CRYL1: variants seen among roughly 807,000 people sequenced by gnomAD.
CRYL1 encodes the protein lambda-crystallin homolog.
In CRYL1, 29 loss-of-function variants were observed where a neutral mutation model predicts 36.6. That is an observed-to-expected ratio of 0.79 (90% confidence interval 0.59 to 1.08). The LOEUF (loss-of-function observed/expected upper bound fraction) is 1.08. CRYL1 is among the 50% of genes least tolerant of loss of function. CRYL1 has a pLI of 0.00. For synonymous variants in CRYL1, 152 were observed against 151.5 expected, an observed-to-expected ratio of 1.00 and a Z score of -0.02; for missense variants, 411 against 407.9, an observed-to-expected ratio of 1.01 and a Z score of -0.06.
At chr13:20,519,957 A>G (rs1222089680) in intron 1 of CRYL1, among the ~76,000 whole-genome samples, 1 of 152,206 alleles carries the variant, frequency 6.6e-6, no homozygotes, top group Non-Finnish European at 1.5e-5. Context: ...AAAACAGTCC[A>G]TATCTTTTAG....
At chr13:20,478,724 G>A (rs747403452) in intron 3 of CRYL1, among the ~76,000 whole-genome samples, 1 of 151,920 alleles carries the variant, frequency 6.6e-6, no homozygotes, top group African/African-American at 2.4e-5. Flanking sequence ...CAATCTACCC[G>A]CTGTGGCCTC....
At chr13:20,512,577 G>C (rs375367125) in intron 1 of CRYL1, 27 bp from the exon 2 acceptor site, 3 of 1,544,172 alleles carry the variant, frequency 1.9e-6, no homozygotes, top group Non-Finnish European at 2.7e-6. Flanking sequence ...GAAAGGATTC[G>C]AGTTAATTTA....
At chr13:20,434,299 T>G (rs1428820825) in intron 4 of CRYL1, among the ~76,000 whole-genome samples, 1 of 152,172 alleles carries the variant, frequency 6.6e-6, no homozygotes, top group African/African-American at 2.4e-5. Flanking sequence ...AATCAGGAAC[T>G]TTCCTGTCTT....
chr13:20,429,360 A>G (rs769088233), intron 5 of CRYL1, among the ~76,000 whole-genome samples: 3 of 152,174 alleles, frequency 2.0e-5, no homozygotes, highest in Non-Finnish European at 2.9e-5. Flanking sequence ...GGAAGTTGTG[A>G]GTCAAAGGGG....
At chr13:20,523,888 G>A (rs2034140185) in intron 1 of CRYL1, among the ~76,000 whole-genome samples, 1 of 152,198 alleles carries the variant, frequency 6.6e-6, no homozygotes, top group Non-Finnish European at 1.5e-5. Flanking sequence ...GCCACCCACA[G>A]CCAGATAACT....
At chr13:20,447,566 T>G (rs1006205715) in intron 3 of CRYL1, among the ~76,000 whole-genome samples, 1 of 151,226 alleles carries the variant, frequency 6.6e-6, no homozygotes, top group African/African-American at 2.4e-5. Context: ...AACAGAATAA[T>G]ACTTCTGGGA....
chr13:20,447,154 AT>A (rs1348875257), intron 3 of CRYL1, among the ~76,000 whole-genome samples: 2 of 152,218 alleles, frequency 1.3e-5, no homozygotes, highest in African/African-American at 4.8e-5. Flanking sequence ...TAGGACTACT[AT>A]CATAAATTTC....
At chr13:20,429,711 C>T (rs1016022801) in intron 5 of CRYL1, among the ~76,000 whole-genome samples, 1 of 152,144 alleles carries the variant, frequency 6.6e-6, no homozygotes, top group Non-Finnish European at 1.5e-5. Context: ...AGTGGATGCT[C>T]AGGTGTGCAT....
chr13:20,508,492 A>C (rs1470039908), intron 2 of CRYL1, among the ~76,000 whole-genome samples: 1 of 152,142 alleles, frequency 6.6e-6, no homozygotes, highest in Non-Finnish European at 1.5e-5. Context: ...ATTGCTCCCT[A>C]AATCACCTCC....
At chr13:20,497,340 C>CA (rs1555232055) in intron 2 of CRYL1, among the ~76,000 whole-genome samples, 2 of 5,490 alleles carry the variant, frequency 3.6e-4, no homozygotes. Flanking sequence ...CCACCACACA[C>CA]ACTACACACA....
intron 3 of CRYL1, among the ~76,000 whole-genome samples, chr13:20,455,163 A>C (rs981123472): frequency 2.0e-5 from 3 of 152,350 alleles, no homozygotes; most frequent in African/African-American, 7.2e-5. Flanking sequence ...AATCAAAAAA[A>C]ATGTTAAATA....
intron 3 of CRYL1, among the ~76,000 whole-genome samples, chr13:20,447,502 C>T (rs1451242195): frequency 3.3e-5 from 5 of 151,964 alleles, no homozygotes; most frequent in African/African-American, 1.2e-4. Context: ...ACTACTAAAT[C>T]AGAGCCCTTC....
chr13:20,442,088 A>G (rs965219744), intron 3 of CRYL1, among the ~76,000 whole-genome samples: 3 of 152,214 alleles, frequency 2.0e-5, no homozygotes, highest in African/African-American at 7.2e-5. Context: ...GGAGCCTTGT[A>G]GCAAAGCCAG....
At chr13:20,429,167 C>T (rs1348546889) in intron 5 of CRYL1, among the ~76,000 whole-genome samples, 1 of 152,224 alleles carries the variant, frequency 6.6e-6, no homozygotes, top group Non-Finnish European at 1.5e-5. Flanking sequence ...TCTGCAAGGC[C>T]TTTGGAGCTT....
intron 5 of CRYL1, among the ~76,000 whole-genome samples, chr13:20,421,607 TCTC>T (rs762982399): frequency 4.6e-5 from 7 of 152,192 alleles, no homozygotes; most frequent in Admixed American, 3.3e-4. Flanking sequence ...CCACCTCTCT[TCTC>T]TTTGCCTTTT....
chr13:20,454,497 A>G (rs1276712977), intron 3 of CRYL1, among the ~76,000 whole-genome samples: 1 of 148,034 alleles, frequency 6.8e-6, no homozygotes, highest in African/African-American at 2.5e-5. Flanking sequence ...GGCTCACTGC[A>G]AGCTCCGCCT....
chr13:20,456,479 C>CAAAA (rs71074301), intron 3 of CRYL1, among the ~76,000 whole-genome samples: 47 of 98,716 alleles, frequency 4.8e-4, no homozygotes, highest in African/African-American at 5.6e-4. Flanking sequence ...CGTCTCAAAA[C>CAAAA]AAAAAAAAAA....
At chr13:20,408,128 A>G (rs2031423755) in intron 6 of CRYL1, among the ~76,000 whole-genome samples, 1 of 152,332 alleles carries the variant, frequency 6.6e-6, no homozygotes, top group South Asian at 2.1e-4. Context: ...ACAGAGCGAC[A>G]TTATCTCATT....
chr13:20,412,056 T>C (rs1323127554), intron 6 of CRYL1, among the ~76,000 whole-genome samples: 2 of 152,052 alleles, frequency 1.3e-5, no homozygotes, highest in Admixed American at 6.5e-5. Flanking sequence ...ACTCTCAACC[T>C]CCCCTCTCGC....
Sources: gnomAD v4.1 joint callset for allele counts (sites outside exome capture counted in the v4.1 genomes callset) on GRCh38, gnomAD v4.1.1 for gene constraint, MANE v1.5 for transcripts, NCBI Gene and HGNC (gene_info 2026-07-23, HGNC 2026-07-21) for gene names.